Variants in SDK2 observed in about 807,000 individuals in gnomAD.
SDK2 encodes the protein sidekick cell adhesion molecule 2, also known as protein sidekick-2.
SDK2 carries 105 observed loss-of-function variants against 253.9 expected under a neutral mutation model. The ratio of observed to expected loss-of-function variants is 0.41; its 90% CI spans 0.35 to 0.49. The LOEUF (loss-of-function observed/expected upper bound fraction) is 0.49. SDK2 is among the 20% of genes least tolerant of loss of function. The pLI is 0.06. For missense variants in SDK2, 2,608 were observed against 3,003.0 expected (o/e 0.87, Z 3.07); for synonymous variants, 1,249 against 1,234.9 (o/e 1.01, Z -0.24).
In SDK2 at chr17:73,350,725, T is replaced by G. The variant is rs1599473000; in HGVS notation, c.5824A>C (p.Ile1942Leu). 1.9e-6 allele frequency: 3 copies of G among 1,613,560 alleles called. No individual in the cohort carries two copies. In the East Asian group the frequency reaches 6.7e-5, roughly 36 times the overall value. ...ACGAAGACCAGAAGCAGGATGAAGATGAGGCCGACCAGGGCAATGACCACC... is the reference window on the plus strand; with the variant it reads ...ACGAAGACCAGAAGCAGGATGAAGAGGAGGCCGACCAGGGCAATGACCACC... Reference protein sequence around the residue: ...FLVVIALVGLIFILLLVFVLI... With the variant: ...FLVVIALVGLLFILLLVFVLI... The change falls in exon 42 of 45, where the codon ATC (isoleucine) becomes CTC (leucine). Residue 1942 changes from isoleucine to leucine, a missense_variant. Coordinates refer to ENST00000392650, the MANE Select transcript of SDK2 (RefSeq NM_001144952.2).
At chr17:73,461,147 G>T (rs2063560123) in intron 3 of SDK2, among the ~76,000 whole-genome samples, 1 of 152,236 alleles carries the variant, frequency 6.6e-6, no homozygotes, top group African/African-American at 2.4e-5. Context: ...AGCCTTGAGA[G>T]GCAGTCACAT....
intron 36 of SDK2, among the ~76,000 whole-genome samples, chr17:73,369,557 G>A (rs1252572881): frequency 5.9e-5 from 9 of 152,368 alleles, no homozygotes; most frequent in African/African-American, 2.2e-4. Context: ...AGGGGTGCAG[G>A]TTCTAAGGGT....
chr17:73,433,905 A>AGAGGGCCAGGGGCCTCCAAGCCCACC, intron 9 of SDK2, 57 bp from the exon 10 acceptor site: 1 of 1,293,890 alleles, frequency 7.7e-7, no homozygotes. Context: ...CCCCCAAGCC[A>AGAGGGCCAGGGGCCTCCAAGCCCACC]GAGGGCCAGG....
At chr17:73,410,311 T>TTTTGTTTTTG (rs574923718) in intron 18 of SDK2, among the ~76,000 whole-genome samples, 107 of 151,634 alleles carry the variant, frequency 7.1e-4, no homozygotes, top group African/African-American at 2.5e-3. Flanking sequence ...TCCTTTTTGT[T>TTTTGTTTTTG]TTTGTTTGTT....
At chr17:73,454,911 T>C (rs1026675313) in intron 4 of SDK2, among the ~76,000 whole-genome samples, 2 of 152,170 alleles carry the variant, frequency 1.3e-5, no homozygotes, top group Non-Finnish European at 2.9e-5. Flanking sequence ...GCCACGTTGC[T>C]CAGGCTGGTC....
chr17:73,460,558 T>G (rs1447594204), intron 3 of SDK2, among the ~76,000 whole-genome samples: 1 of 152,216 alleles, frequency 6.6e-6, no homozygotes, highest in Admixed American at 6.5e-5. Context: ...ATTTGTAGTG[T>G]TAAAATATTG....
intron 36 of SDK2, among the ~76,000 whole-genome samples, chr17:73,371,184 C>A (rs7221596): frequency 0.13 from 20,497 of 151,948 alleles, 2,621 homozygotes; most frequent in African/African-American, 0.32. Flanking sequence ...GGGGGTACAA[C>A]AGTTAACAAA....
intron 1 of SDK2, among the ~76,000 whole-genome samples, chr17:73,602,321 C>T (rs1033060149): frequency 1.3e-5 from 2 of 152,124 alleles, no homozygotes; most frequent in Admixed American, 1.3e-4. Flanking sequence ...GCGAGGGCTG[C>T]GAGGCCTGGG....
chr17:73,615,828 A>G (rs141445186), intron 1 of SDK2, among the ~76,000 whole-genome samples: 18 of 152,296 alleles, frequency 1.2e-4, no homozygotes, highest in Middle Eastern at 3.4e-3. Flanking sequence ...ACATAAACAT[A>G]TACACAAATA....
At chr17:73,366,354 G>A (rs2062685480) in intron 37 of SDK2, among the ~76,000 whole-genome samples, 1 of 152,130 alleles carries the variant, frequency 6.6e-6, no homozygotes, top group South Asian at 2.1e-4. Flanking sequence ...GGAGGCGGAC[G>A]GACAGACTTG....
intron 1 of SDK2, among the ~76,000 whole-genome samples, chr17:73,554,320 T>C: frequency 6.6e-6 from 1 of 152,214 alleles, no homozygotes; most frequent in Non-Finnish European, 1.5e-5. Context: ...AATTCATCTG[T>C]TGAAGTCCTA....
Position 73,496,234 on chromosome 17 carries a change from T to C in SDK2, c.224+11204A>G, listed in dbSNP as rs150627737. The stretch of plus-strand genomic sequence containing the variant: ...TCTGCACGCTTCATCTTGCATGACA[T>C]TCCCAGCCACCCTGGGAGGTAGCTA... On this transcript the variant is annotated intron_variant, in intron 2 of 44. Transcript: ENST00000392650. The surrounding 1 kb of genome is among the most constrained non-coding windows in gnomAD (Gnocchi z 4.7). Among the ~76,000 whole-genome samples the C allele has an allele frequency of 4.6e-5, 7 of 152,274 alleles. No individual in the cohort carries two copies. Among genetic ancestry groups the C allele is most frequent in the Admixed American group, 3.9e-4 (6 of 15,302 alleles).
chr17:73,584,809 G>T (rs570598347), intron 1 of SDK2, among the ~76,000 whole-genome samples: 1 of 152,346 alleles, frequency 6.6e-6, no homozygotes, highest in South Asian at 2.1e-4. Context: ...TCCCTGCAGG[G>T]TTCCCCTGCC....
intron 29 of SDK2, among the ~76,000 whole-genome samples, chr17:73,388,777 T>C (rs866213270): frequency 2.9e-5 from 1 of 34,994 alleles, no homozygotes; most frequent in Non-Finnish European, 7.6e-5. Flanking sequence ...TCCCTCTCCT[T>C]CCTTCCTTCC....
At chr17:73,638,927 A>G (rs2046364590) in intron 1 of SDK2, among the ~76,000 whole-genome samples, 1 of 150,760 alleles carries the variant, frequency 6.6e-6, no homozygotes, top group African/African-American at 2.4e-5. Context: ...CTCCTGCCTC[A>G]GTCTCCCAAG....
At chr17:73,606,553 G>GT (rs2045910075) in intron 1 of SDK2, among the ~76,000 whole-genome samples, 1 of 152,196 alleles carries the variant, frequency 6.6e-6, no homozygotes, top group African/African-American at 2.4e-5. Flanking sequence ...ACGAAGGCGG[G>GT]TTTCACCGTT....
At chr17:73,477,401 AGTGCAGT>A (rs201704238) in intron 2 of SDK2, among the ~76,000 whole-genome samples, 4,086 of 152,272 alleles carry the variant, frequency 0.027, 87 homozygotes, top group South Asian at 0.063. Flanking sequence ...CTCAAGAGGA[AGTGCAGT>A]GTTGGAGAAG....
intron 39 of SDK2, among the ~76,000 whole-genome samples, chr17:73,358,498 C>A (rs77971918): frequency 0.027 from 4,124 of 152,248 alleles, 193 homozygotes; most frequent in African/African-American, 0.093. Context: ...GGTTCCAGCC[C>A]AGAACGTGTT....
intron 1 of SDK2, among the ~76,000 whole-genome samples, chr17:73,603,693 G>A (rs534254002): frequency 6.6e-6 from 1 of 152,364 alleles, no homozygotes; most frequent in African/African-American, 2.4e-5. Flanking sequence ...CGCTACTAGA[G>A]AAGACATATT....
Sources: allele counts gnomAD v4.1 joint callset (sites outside exome capture counted in the v4.1 genomes callset), GRCh38; gene constraint gnomAD v4.1.1; non-coding constraint Gnocchi (gnomAD v3.1); transcripts MANE v1.5; gene names NCBI Gene and HGNC (gene_info 2026-07-23, HGNC 2026-07-21).